The following APOBEC3B variants were observed in gnomAD, a reference collection of about 807,000 sequenced individuals.
APOBEC3B encodes DNA dC->dU-editing enzyme APOBEC-3B.
In APOBEC3B, 29 loss-of-function variants were observed where a neutral mutation model predicts 53.4. The observed-to-expected ratio is 0.54, with a 90% confidence interval of 0.40 to 0.74. APOBEC3B has a LOEUF of 0.74. Ranked by LOEUF, APOBEC3B falls within the 30% of genes least tolerant of loss-of-function variation. The pLI, the probability that APOBEC3B is intolerant of heterozygous loss-of-function variation, is 0.00. For synonymous variants in APOBEC3B, 132 were observed against 184.8 expected (o/e 0.71, Z 2.32); for missense variants, 347 against 496.2 (o/e 0.70, Z 2.86).
Position 38,992,118 on chromosome 22 carries a change from C to A in APOBEC3B, c.1103C>A (p.Ala368Asp). 1 of 1,592,920 alleles carries A rather than the reference C, an allele frequency of 6.3e-7. No individual in the cohort carries two copies. Among genetic ancestry groups the A allele is most frequent in the Non-Finnish European group, 8.5e-7 (1 of 1,172,554 alleles). ...PWDGLEEHSQ[A>D]LSGRLRAILQ... Reference sequence around the variant, plus strand: ...GATGGACTAGAGGAGCACAGCCAAGCCCTGAGTGGGAGGCTGCGGGCCATT... The same window carrying A: ...GATGGACTAGAGGAGCACAGCCAAGACCTGAGTGGGAGGCTGCGGGCCATT... Residue 368 changes from alanine to aspartate, a missense_variant, in exon 7 of 8, where the codon GCC (alanine) becomes GAC (aspartate). Ala to Asp is a moderately radical substitution (Grantham distance 126). Transcript: ENST00000333467.
chr22:38,988,677 CTCTTTCTCTTTCTT>C (rs1923838583), intron 4 of APOBEC3B, among the ~76,000 whole-genome samples: 1 of 6,558 alleles, frequency 1.5e-4, no homozygotes, highest in African/African-American at 1.6e-3. Flanking sequence ...CTCTCTTTCT[CTCTTTCTCTTTCTT>C]TCTTTCTTTC....
At position 38,982,490 on chromosome 22, in the gene APOBEC3B, C is replaced by G. The variant is rs1255350635; in HGVS notation, c.17+20C>G. ...GATCAGGTACCGCTGCCCACTCTGC[C>G]TGCTGGGCCCCTCCTGCCCCTTCCT... On this transcript the variant is annotated intron_variant, in intron 1 of 7. Transcript: ENST00000333467. 6.3e-7 allele frequency: 1 copy of G among 1,593,180 alleles called. No homozygotes were observed.
In APOBEC3B at chr22:38,985,994, T is replaced by C. The variant is rs2076111; in HGVS notation, c.357T>C (p.Ser119=). ...SEHPNVTLTI[S]AARLYYYWER... ...ACCCCAATGTCACCCTGACCATCTC[T>C]GCCGCCCGCCTCTACTACTACTGGG... The change falls in exon 3 of 8, where the codon TCT becomes TCC. Residue 119 remains serine, a synonymous_variant. Coordinates refer to ENST00000333467, the MANE Select transcript of APOBEC3B (RefSeq NM_004900.5). The C allele has an allele frequency of 0.58, 910,014 of 1,564,142 alleles. 294,965 individuals carry two copies. The highest frequency in any genetic ancestry group is 0.7 in the South Asian group (61,108 of 87,234).
intron 4 of APOBEC3B, among the ~76,000 whole-genome samples, chr22:38,988,810 T>C (rs1294181141): frequency 2.1e-5 from 3 of 145,106 alleles, no homozygotes; most frequent in Non-Finnish European, 4.5e-5. Context: ...TTTCTAATTC[T>C]GGTTTTGTCA....
chr22:38,984,377 C>A, intron 2 of APOBEC3B, 146 bp downstream of exon 2: 1 of 1,067,140 alleles, frequency 9.4e-7, no homozygotes, highest in Non-Finnish European at 1.3e-6. Flanking sequence ...TTAACAAAGA[C>A]AGACTGAGGT....
Position 38,984,311 on chromosome 22 carries a change from G to T in APOBEC3B, c.174+80G>T, listed in dbSNP as rs553455612. On this transcript the variant is annotated intron_variant, in intron 2 of 7. Transcript: ENST00000333467. ...GGAGAGACTGATATGGGTGAGACAGGAGGATTTATTTAGGTGCACTGGTTC... is the reference window on the plus strand; with the variant it reads ...GGAGAGACTGATATGGGTGAGACAGTAGGATTTATTTAGGTGCACTGGTTC... The T allele has an allele frequency of 2.0e-6, 3 of 1,477,254 alleles. No homozygotes were observed. In the East Asian group the frequency reaches 8.3e-5, roughly 41 times the overall value. 91.5% of individuals were successfully genotyped at this position (1,477,254 alleles called of 1,614,324 possible).
intron 5 of APOBEC3B, among the ~76,000 whole-genome samples, chr22:38,990,215 T>G (rs976222605): frequency 1.4e-5 from 2 of 148,062 alleles, no homozygotes; most frequent in African/African-American, 2.4e-5. Context: ...CTTGGCTCTG[T>G]TGCTGGAAAC....
chr22:38,988,744 TCTTC>T lies in APOBEC3B; in HGVS notation c.570-709_570-706del, dbSNP rs1237794057. The stretch of plus-strand genomic sequence containing the variant: ...TTCTTTCTTTCTTTCTTTCTTTCTT[TCTTC>T]CTTTCTTCTCTCTCGTCTTTCTTCT... On this transcript the variant is annotated intron_variant, in intron 4 of 7. Transcript: ENST00000333467. 1.6e-3 allele frequency among the ~76,000 whole-genome samples: 184 copies of T among 116,192 alleles called. 14 individuals are homozygous for T. The highest frequency in any genetic ancestry group is 4.4e-3 in the African/African-American group (112 of 25,438). The allele number at this position is 116,192 out of a possible 152,430, so 76.2% of individuals were successfully genotyped here.
chr22:38,983,543 C>T (rs980471248), intron 1 of APOBEC3B, among the ~76,000 whole-genome samples: 4 of 148,662 alleles, frequency 2.7e-5, no homozygotes, highest in African/African-American at 9.8e-5. Flanking sequence ...GGTTACCCCG[C>T]CTCTCTGTGC....
At chr22:38,987,660 C>A (rs1923795997) in intron 4 of APOBEC3B, among the ~76,000 whole-genome samples, 1 of 148,438 alleles carries the variant, frequency 6.7e-6, no homozygotes, top group African/African-American at 2.5e-5. Flanking sequence ...GAAAATAAGT[C>A]ATTTCTTCCA....
At chr22:38,989,421 CT>C in intron 4 of APOBEC3B, 35 bp from the exon 5 acceptor site, 1 of 1,535,252 alleles carries the variant, frequency 6.5e-7, no homozygotes, top group Non-Finnish European at 8.8e-7. Context: ...CAGGAGGAGT[CT>C]TAGGGCTTTT....
chr22:38,990,226 T>C (rs2146293617), intron 5 of APOBEC3B, among the ~76,000 whole-genome samples: 1 of 148,314 alleles, frequency 6.7e-6, no homozygotes, highest in African/African-American at 2.4e-5. Flanking sequence ...TGCTGGAAAC[T>C]GGGGGCTTCT....
chr22:38,984,221 T>G lies in APOBEC3B; in HGVS notation c.164T>G (p.Phe55Cys). The stretch of plus-strand genomic sequence containing the variant: ...AATCTCCTTTGGGACACAGGGGTCT[T>G]TCGAGGCCAGGTACCACCCAAACTT... ...RSNLLWDTGVFRGQVYFKPQY... is the reference protein window; with the variant it reads ...RSNLLWDTGVCRGQVYFKPQY... The change falls in exon 2 of 8, where the codon TTT becomes TGT. Residue 55 changes from phenylalanine (F) to cysteine (C), a missense_variant. Transcript: ENST00000333467. The G allele has an allele frequency of 6.3e-7, 1 of 1,591,946 alleles. No individual in the cohort carries two copies. The highest frequency in any genetic ancestry group is 8.5e-7 in the Non-Finnish European group (1 of 1,172,214).
chr22:38,987,467 G>A lies in APOBEC3B; in HGVS notation c.569+1055G>A, dbSNP rs753565711. On this transcript the variant is annotated intron_variant, in intron 4 of 7. Coordinates refer to ENST00000333467, the MANE Select transcript of APOBEC3B (RefSeq NM_004900.5). The stretch of plus-strand genomic sequence containing the variant: ...GGGCTGGTGCTCCCTGCCCTGGGAG[G>A]GTGCTCCCTGTATATGCTTCCCACC... 3.4e-4 allele frequency among the ~76,000 whole-genome samples: 50 copies of A among 148,638 alleles called. 6 individuals are homozygous for A. The highest frequency in any genetic ancestry group is 6.5e-4 in the Non-Finnish European group (44 of 67,296).
At position 38,992,449 on chromosome 22, in the gene APOBEC3B, A is replaced by G. The variant is rs763859391; in HGVS notation, c.*4A>G. On this transcript the variant is annotated 3_prime_UTR_variant, in exon 8 of 8. Transcript: ENST00000333467. Reference sequence around the variant, plus strand: ...CTTCCAGAATCAGGGAAACTGAAGGATGGGCCTCAGTCTCTAAGGAAGGCA... The same window carrying G: ...CTTCCAGAATCAGGGAAACTGAAGGGTGGGCCTCAGTCTCTAAGGAAGGCA... The G allele has an allele frequency of 2.5e-6, 4 of 1,595,364 alleles. No individual in the cohort carries two copies. Among genetic ancestry groups the G allele is most frequent in the South Asian group, 2.2e-5 (2 of 89,344 alleles).
chr22:38,984,633 A>C (rs1021202729), intron 2 of APOBEC3B, among the ~76,000 whole-genome samples: 2 of 148,202 alleles, frequency 1.3e-5, no homozygotes. Context: ...TTTTTTTAAA[A>C]TTTTCTTCAA....
In APOBEC3B at chr22:38,988,474, T is replaced by C. The variant is rs561339124; in HGVS notation, c.570-983T>C. Among the ~76,000 whole-genome samples the C allele has an allele frequency of 3.8e-4, 57 of 148,808 alleles. 4 individuals are homozygous for C. Among genetic ancestry groups the C allele is most frequent in the African/African-American group, 1.3e-3 (55 of 41,024 alleles). ...TTTTATGTTCAGTGTCATCTCGTTC[T>C]CCCTAATATTTAGAAAAGGGTGTTG... On this transcript the variant is annotated intron_variant, in intron 4 of 7. Coordinates refer to ENST00000333467, the MANE Select transcript of APOBEC3B (RefSeq NM_004900.5).
chr22:38,984,824 A>C (rs1036946081), intron 2 of APOBEC3B, among the ~76,000 whole-genome samples: 1 of 147,740 alleles, frequency 6.8e-6, no homozygotes, highest in Non-Finnish European at 1.5e-5. Context: ...AAAACACAAC[A>C]ATAAGTAAAA....
In APOBEC3B at chr22:38,991,467, T is replaced by G. The variant is rs772876371; in HGVS notation, c.859T>G (p.Trp287Gly). Residue 287 changes from tryptophan (W) to glycine (G), a missense_variant, in exon 6 of 8, where the codon TGG (tryptophan) becomes GGG (glycine). Trp to Gly is a radical substitution (Grantham distance 184, BLOSUM62 -2). Around this residue, in one of 5 missense-constraint regions of APOBEC3B, gnomAD observed 20 missense variants for 83.9 expected, o/e 0.24. Transcript: ENST00000333467. ...WFISWSPCFS[W>G]GCAGEVRAFL... ...CATCTCCTGGAGCCCCTGCTTCTCC[T>G]GGGGCTGTGCCGGGGAAGTGCGTGC... 1.9e-6 allele frequency: 3 copies of G among 1,593,152 alleles called. No homozygotes were observed. In the South Asian group the frequency reaches 3.4e-5, roughly 18 times the overall value.
Sources: gnomAD v4.1 joint callset for allele counts (sites outside exome capture counted in the v4.1 genomes callset) on GRCh38, gnomAD v4.1.1 for gene constraint, gnomAD v4.1.1 regional missense constraint, MANE v1.5 for transcripts, NCBI Gene and HGNC (gene_info 2026-07-23, HGNC 2026-07-21) for gene names.